The following MCF2L2 variants were observed in gnomAD, a reference collection of about 807,000 sequenced individuals.
MCF2L2 encodes the protein MCF.2 cell line derived transforming sequence-like 2.
Under a neutral mutation model 150.2 loss-of-function variants are expected in MCF2L2, and 102 were observed. The ratio of observed to expected loss-of-function variants is 0.68; its 90% CI spans 0.58 to 0.80. The LOEUF is 0.80. MCF2L2 is among the 30% of genes least tolerant of loss of function. The pLI is 0.00. For synonymous variants in MCF2L2, 465 were observed against 491.3 expected (o/e 0.95, Z 0.71); for missense variants, 1,256 against 1,372.8 (o/e 0.91, Z 1.34).
At chr3:183,423,782 G>A (rs1484618198) in intron 1 of MCF2L2, among the ~76,000 whole-genome samples, 1 of 152,016 alleles carries the variant, frequency 6.6e-6, no homozygotes, top group Non-Finnish European at 1.5e-5. Flanking sequence ...GGGATTACAG[G>A]CATGCATCAC....
intron 1 of MCF2L2, among the ~76,000 whole-genome samples, chr3:183,407,539 C>T (rs1443370940): frequency 6.6e-6 from 1 of 152,148 alleles, no homozygotes; most frequent in East Asian, 1.9e-4. Context: ...TCACATAATG[C>T]TCATTCTCCT....
intron 3 of MCF2L2, among the ~76,000 whole-genome samples, chr3:183,353,699 A>G (rs1367562886): frequency 6.6e-6 from 1 of 152,108 alleles, no homozygotes; most frequent in Non-Finnish European, 1.5e-5. Context: ...CCCATGATCC[A>G]TTCATCTCCC....
rs1721457810 is a variant in MCF2L2 at position 183,179,912 on chromosome 3, T to A, written c.3105+159A>T. ...CTGGACTAGGAGGGTCAGAGCCAGT[T>A]TGAGGGTCTGGTGACCTCGGCTCCC... On this transcript the variant is annotated intron_variant, in intron 28 of 29. Coordinates refer to ENST00000328913, the MANE Select transcript of MCF2L2 (RefSeq NM_015078.4). The surrounding 1 kb of genome is among the most constrained non-coding windows in gnomAD (Gnocchi z 4.2). 6.6e-6 allele frequency among the ~76,000 whole-genome samples: 1 copy of A among 152,132 alleles called. No individual in the cohort carries two copies.
At chr3:183,190,079 AC>A (rs1721825451) in intron 27 of MCF2L2, among the ~76,000 whole-genome samples, 1 of 152,102 alleles carries the variant, frequency 6.6e-6, no homozygotes. Flanking sequence ...AATTAGTCTG[AC>A]CCTGTTACTT....
At chr3:183,347,719 C>A (rs1730956498) in intron 3 of MCF2L2, among the ~76,000 whole-genome samples, 1 of 151,828 alleles carries the variant, frequency 6.6e-6, no homozygotes, top group African/African-American at 2.4e-5. Flanking sequence ...AAAAAAACAA[C>A]CTCATCAAAA....
chr3:183,201,041 T>C (rs1722261569), intron 25 of MCF2L2, among the ~76,000 whole-genome samples: 1 of 152,208 alleles, frequency 6.6e-6, no homozygotes, highest in Non-Finnish European at 1.5e-5. Context: ...TGTAGTATAG[T>C]TTGAAGTCAG....
chr3:183,329,211 CTTT>C (rs1730168963), intron 5 of MCF2L2, among the ~76,000 whole-genome samples: 2 of 151,776 alleles, frequency 1.3e-5, no homozygotes, highest in African/African-American at 4.8e-5. Flanking sequence ...CTTTTTTTTT[CTTT>C]GAGACAGCGT....
intron 3 of MCF2L2, among the ~76,000 whole-genome samples, chr3:183,367,227 CTTT>C (rs11340213): frequency 3.6e-5 from 5 of 140,428 alleles, no homozygotes; most frequent in African/African-American, 5.2e-5. Flanking sequence ...TTCTTTCTTT[CTTT>C]TTTTTTTTTT....
intron 9 of MCF2L2, 189 bp downstream of exon 9, chr3:183,310,726 T>C (rs1376763172): frequency 3.4e-6 from 2 of 580,838 alleles, no homozygotes; most frequent in South Asian, 2.2e-5. Context: ...AATGGGATTC[T>C]AGAACAGTTT....
At chr3:183,231,161 G>T in intron 15 of MCF2L2, 144 bp from the exon 16 acceptor site, 2 of 709,716 alleles carry the variant, frequency 2.8e-6, no homozygotes, top group Non-Finnish European at 5.1e-6. Flanking sequence ...AGTTCATTCT[G>T]TTCTATTGAA....
Position 183,428,000 on chromosome 3 carries a change from T to C in MCF2L2, c.-23A>G. The C allele has an allele frequency of 6.3e-7, 1 of 1,589,354 alleles. No individual in the cohort carries two copies. Among genetic ancestry groups the C allele is most frequent in the Non-Finnish European group, 8.6e-7 (1 of 1,157,812 alleles). ...CATTTCACTGAAAAACCATTCCGTATAAATAAAGCCAAACAAAACTGTTTC... is the reference window on the plus strand; with the variant it reads ...CATTTCACTGAAAAACCATTCCGTACAAATAAAGCCAAACAAAACTGTTTC... On this transcript the variant is annotated 5_prime_UTR_variant, in exon 1 of 30. Coordinates refer to ENST00000328913, the MANE Select transcript of MCF2L2 (RefSeq NM_015078.4).
In MCF2L2 at chr3:183,207,744, A is replaced by T; in HGVS notation, c.2576T>A (p.Met859Lys). The change falls in exon 23 of 30, where the codon ATG becomes AAG. Residue 859 changes from methionine (M) to lysine (K), a missense_variant. Coordinates refer to ENST00000328913, the MANE Select transcript of MCF2L2 (RefSeq NM_015078.4). ...VWTIHKDRYK[M>K]KDLIRFKPSQ... ...GGGTTTAAATCGAATCAAATCCTTC[A>T]TTTTATAACGATCCTTGTGAATTGT... The T allele has an allele frequency of 1.9e-6, 3 of 1,614,176 alleles. No homozygotes were observed. The highest frequency in any genetic ancestry group is 2.5e-6 in the Non-Finnish European group (3 of 1,180,024).
chr3:183,428,281 T>G lies in MCF2L2; in HGVS notation c.-304A>C. On this transcript the variant is annotated 5_prime_UTR_variant, in exon 1 of 30. Transcript: ENST00000328913. The surrounding 1 kb of genome is among the most constrained non-coding windows in gnomAD (Gnocchi z 5.1). Reference sequence around the variant, plus strand: ...CTCGCCGGAACCGCGCCCCGGCTCCTCCGGCCGGGCGAGCTCCGGGGCTTC... The same window carrying G: ...CTCGCCGGAACCGCGCCCCGGCTCCGCCGGCCGGGCGAGCTCCGGGGCTTC... 3.0e-6 allele frequency: 1 copy of G among 329,418 alleles called. No individual in the cohort carries two copies. Among genetic ancestry groups the G allele is most frequent in the Non-Finnish European group, 5.6e-6 (1 of 179,952 alleles). 20.4% of individuals were successfully genotyped at this position (329,418 alleles called of 1,614,324 possible).
chr3:183,408,019 T>C (rs16857443), intron 1 of MCF2L2, among the ~76,000 whole-genome samples: 13,312 of 152,138 alleles, frequency 0.087, 1,359 homozygotes, highest in African/African-American at 0.23. Flanking sequence ...GGGACACTTT[T>C]GACACAAAGA....
intron 1 of MCF2L2, 117 bp from the exon 2 acceptor site, chr3:183,389,896 T>A: frequency 5.3e-6 from 4 of 752,464 alleles, no homozygotes; most frequent in Non-Finnish European, 6.8e-6. Context: ...CAAGAGACGG[T>A]GCTGGCACAA....
At chr3:183,333,961 CAAAAAA>C (rs57368442) in intron 5 of MCF2L2, among the ~76,000 whole-genome samples, 2,973 of 94,996 alleles carry the variant, frequency 0.031, 96 homozygotes, top group African/African-American at 0.079. Flanking sequence ...AAGGAAGTGC[CAAAAAA>C]AAAAAAAAAA....
intron 1 of MCF2L2, among the ~76,000 whole-genome samples, chr3:183,412,185 CTGAG>C (rs1347220591): frequency 2.6e-5 from 4 of 152,138 alleles, no homozygotes; most frequent in Non-Finnish European, 5.9e-5. Flanking sequence ...TTGTATAAGA[CTGAG>C]TGAGAGTAGA....
intron 18 of MCF2L2, 99 bp from the exon 19 acceptor site, chr3:183,224,289 T>C (rs914559507): frequency 1.2e-5 from 9 of 776,418 alleles, no homozygotes; most frequent in African/African-American, 6.9e-5. Flanking sequence ...GCCAGAGTAT[T>C]CTAATGTGTA....
intron 15 of MCF2L2, chr3:183,273,500 A>G (rs1268596918): frequency 6.6e-6 from 1 of 152,592 alleles, no homozygotes; most frequent in Admixed American, 6.5e-5. Flanking sequence ...TGTTCTCTGC[A>G]TTATAGAGCC....
Sources: allele counts gnomAD v4.1 joint callset (sites outside exome capture counted in the v4.1 genomes callset), GRCh38; gene constraint gnomAD v4.1.1; non-coding constraint Gnocchi (gnomAD v3.1); transcripts MANE v1.5; gene names NCBI Gene and HGNC (gene_info 2026-07-23, HGNC 2026-07-21).